TAF4: variants seen among roughly 807,000 people sequenced by gnomAD.
TAF4 encodes transcription initiation factor TFIID subunit 4.
In TAF4, 9 loss-of-function variants were observed where a neutral mutation model predicts 90.3. The ratio of observed to expected loss-of-function variants is 0.10; its 90% CI spans 0.06 to 0.17. TAF4 has a LOEUF of 0.17. Among genes scored for constraint, TAF4 ranks in the 10% least tolerant of loss-of-function variants. The pLI is 1.00. For missense variants in TAF4, 1,351 were observed against 1,370.7 expected (o/e 0.99, Z 0.23); for synonymous variants, 818 against 638.9 (o/e 1.28, Z -4.23).
chr20:61,994,523 G>T (rs1450593255), intron 14 of TAF4, among the ~76,000 whole-genome samples: 1 of 152,232 alleles, frequency 6.6e-6, no homozygotes, highest in African/African-American at 2.4e-5. Flanking sequence ...GGATTTCTCT[G>T]AACCTCTGGG....
At chr20:61,985,645 G>A (rs1304862545) in intron 14 of TAF4, among the ~76,000 whole-genome samples, 1 of 151,564 alleles carries the variant, frequency 6.6e-6, no homozygotes, top group Admixed American at 6.6e-5. Flanking sequence ...TACATCTACT[G>A]TGGGGGATGA....
intron 1 of TAF4, among the ~76,000 whole-genome samples, chr20:62,028,655 T>C (rs953855265): frequency 4.6e-5 from 7 of 152,196 alleles, no homozygotes; most frequent in Non-Finnish European, 8.8e-5. Flanking sequence ...AGCCACAGCC[T>C]GGGAGCAGAG....
rs762450855 is a variant in TAF4, at chr20:62,029,947, G to T, written c.1361-15240C>A. ...GAATGGCAGGCACAGGTAACCCACA[G>T]TGGTCAGGGGAAGCCTCAGGGCTGG... On this transcript the variant is annotated intron_variant, in intron 1 of 14. Coordinates refer to ENST00000252996, the MANE Select transcript of TAF4 (RefSeq NM_003185.4). Among the ~76,000 whole-genome samples the T allele has an allele frequency of 8.7e-4, 133 of 152,324 alleles. 2 individuals are homozygous for T. The highest frequency in any genetic ancestry group is 2.2e-4 in the Non-Finnish European group (15 of 68,026).
intron 1 of TAF4, among the ~76,000 whole-genome samples, chr20:62,049,589 A>G (rs2056014346): frequency 6.6e-6 from 1 of 152,002 alleles, no homozygotes; most frequent in Admixed American, 6.6e-5. Flanking sequence ...AGTCACACCC[A>G]TACTCACACC....
chr20:62,003,938 T>C, intron 7 of TAF4, 60 bp from the exon 8 acceptor site: 2 of 1,490,330 alleles, frequency 1.3e-6, no homozygotes, highest in Non-Finnish European at 1.8e-6. Context: ...GGCCACTCAG[T>C]CCCTAGCAGG....
intron 14 of TAF4, among the ~76,000 whole-genome samples, chr20:61,991,969 G>GT (rs2055634407): frequency 6.6e-6 from 1 of 152,140 alleles, no homozygotes; most frequent in South Asian, 2.1e-4. Flanking sequence ...ATAATCCAGA[G>GT]TAACATCCTT....
intron 2 of TAF4, among the ~76,000 whole-genome samples, chr20:62,013,825 G>C (rs921620568): frequency 6.6e-6 from 1 of 152,102 alleles, no homozygotes; most frequent in Admixed American, 6.5e-5. Flanking sequence ...GCAAGTCCTG[G>C]GCACTCTGCC....
At chr20:62,064,046 C>T (rs1341259845) in intron 1 of TAF4, among the ~76,000 whole-genome samples, 1 of 152,226 alleles carries the variant, frequency 6.6e-6, no homozygotes, top group African/African-American at 2.4e-5. Context: ...ACTCACAGCC[C>T]CAGGTACTGC....
intron 14 of TAF4, among the ~76,000 whole-genome samples, chr20:61,982,336 C>G (rs1805908506): frequency 1.5e-5 from 2 of 129,178 alleles, no homozygotes; most frequent in South Asian, 5.2e-4. Flanking sequence ...AACACCAAAC[C>G]CACACCCACC....
chr20:61,988,863 G>A (rs759534070), intron 14 of TAF4, among the ~76,000 whole-genome samples: 5 of 152,096 alleles, frequency 3.3e-5, no homozygotes, highest in Admixed American at 6.6e-5. Flanking sequence ...GAGGACGCAC[G>A]AGCTCCCTTA....
Position 62,065,051 on chromosome 20 carries a change from C to G in TAF4, c.760G>C (p.Ala254Pro). The change falls in exon 1 of 15, where the codon GCG (alanine) becomes CCG (proline). Residue 254 changes from alanine (A) to proline (P), a missense_variant. Coordinates refer to ENST00000252996, the MANE Select transcript of TAF4 (RefSeq NM_003185.4). ...GCGGGGGCGGCGGGGGGCGAGGGCG[C>G]GGCGGGCGCGGGGGGCGCGGCGGCG... is the stretch of plus-strand genomic sequence containing the variant. ...VGAAAPPAPA[A>P]PSPPAAPAPA... The G allele has an allele frequency of 1.4e-6, 1 of 689,918 alleles. No individual in the cohort carries two copies. Among genetic ancestry groups the G allele is most frequent in the South Asian group, 6.6e-5 (1 of 15,094 alleles). 42.7% of individuals were successfully genotyped at this position (689,918 alleles called of 1,614,324 possible). A position where few individuals can be genotyped will look rare whatever the true frequency, so the allele number is the denominator to read the frequency against.
rs2055745449 is a variant in TAF4 at position 62,006,431 on chromosome 20, C to T, written c.2223+79G>A. On this transcript the variant is annotated intron_variant, in intron 7 of 14. Coordinates refer to ENST00000252996, the MANE Select transcript of TAF4 (RefSeq NM_003185.4). The surrounding 1 kb of genome is among the most constrained non-coding windows in gnomAD (Gnocchi z 7.0). ...GCATGCTTGGAAAAGGTTTCTGAGC[C>T]GTGGCCAATTTATCTAAGAAGCGGG... 12 of 1,320,762 alleles carry T rather than the reference C, an allele frequency of 9.1e-6. No individual in the cohort carries two copies. The highest frequency in any genetic ancestry group is 1.5e-5 in the African/African-American group (1 of 66,486). 81.8% of individuals were successfully genotyped at this position (1,320,762 alleles called of 1,614,324 possible). A position where few individuals can be genotyped will look rare whatever the true frequency, so the allele number is the denominator to read the frequency against.
intron 2 of TAF4, among the ~76,000 whole-genome samples, chr20:62,014,076 C>A (rs543716614): frequency 2.2e-4 from 34 of 151,660 alleles, no homozygotes; most frequent in Admixed American, 8.5e-4. Context: ...CCCTCTGGCA[C>A]CCCCTAACAG....
rs377122371 is a variant in TAF4, at chr20:62,039,276, TC to T, written c.1361-24570del. Among the ~76,000 whole-genome samples, 624 of 152,186 alleles carry T rather than the reference TC, an allele frequency of 4.1e-3. 4 individuals carry two copies. The highest frequency in any genetic ancestry group is 0.014 in the African/African-American group (582 of 41,524). On this transcript the variant is annotated intron_variant, in intron 1 of 14. Transcript: ENST00000252996. ...CAAGGACATGAGTGGACAGAACACA[TC>T]CCAGAAGTGACGTCCTCACACGTGG...
intron 1 of TAF4, among the ~76,000 whole-genome samples, chr20:62,063,628 C>T (rs2056102878): frequency 6.6e-6 from 1 of 152,154 alleles, no homozygotes; most frequent in Non-Finnish European, 1.5e-5. Flanking sequence ...CGCCCCGAGA[C>T]CCCTGCACGG....
chr20:62,018,106 C>T (rs1489570374), intron 1 of TAF4, among the ~76,000 whole-genome samples: 1 of 152,276 alleles, frequency 6.6e-6, no homozygotes, highest in South Asian at 2.1e-4. Context: ...CGTAGCTTCT[C>T]GAGGCATTGA....
chr20:62,046,125 C>G (rs915917371), intron 1 of TAF4, among the ~76,000 whole-genome samples: 1 of 152,206 alleles, frequency 6.6e-6, no homozygotes, highest in Non-Finnish European at 1.5e-5. Context: ...ACAAATGAGA[C>G]ACAAATGACA....
intron 1 of TAF4, among the ~76,000 whole-genome samples, chr20:62,049,222 G>T (rs996770740): frequency 6.6e-6 from 1 of 152,068 alleles, no homozygotes; most frequent in African/African-American, 2.4e-5. Context: ...CCACCATCAG[G>T]ATGTGCCGAG....
At chr20:62,025,534 G>A (rs541825809) in intron 1 of TAF4, among the ~76,000 whole-genome samples, 50 of 152,130 alleles carry the variant, frequency 3.3e-4, no homozygotes, top group Non-Finnish European at 5.0e-4. Context: ...TCCCCCAGGC[G>A]GTTCTCATGA....
Sources: gnomAD v4.1 joint callset for allele counts (sites outside exome capture counted in the v4.1 genomes callset) on GRCh38, gnomAD v4.1.1 for gene constraint, Gnocchi (gnomAD v3.1) non-coding constraint, MANE v1.5 for transcripts, NCBI Gene and HGNC (gene_info 2026-07-23, HGNC 2026-07-21) for gene names.